PEPD: variants seen among roughly 807,000 people sequenced by gnomAD.
PEPD encodes the protein xaa-Pro dipeptidase.
A neutral mutation model predicts 60.7 loss-of-function variants in PEPD; 53 were observed. The observed-to-expected ratio is 0.87, with a 90% CI of 0.70 to 1.10. The LOEUF (loss-of-function observed/expected upper bound fraction) is 1.10, where lower values mean the gene tolerates loss of function less well. Ranked by LOEUF, PEPD falls within the 50% of genes least tolerant of loss-of-function variation. PEPD has a pLI of 0.00. For synonymous variants in PEPD, 267 were observed against 284.1 expected (o/e 0.94, Z 0.60); for missense variants, 711 against 711.9 (o/e 1.00, Z 0.01).
At chr19:33,472,734 A>G (rs1425199421) in intron 7 of PEPD, among the ~76,000 whole-genome samples, 1 of 152,216 alleles carries the variant, frequency 6.6e-6, no homozygotes, top group Non-Finnish European at 1.5e-5. Context: ...GCCTCTAAGC[A>G]TCAAAGTGGC....
chr19:33,391,240 C>G (rs1296669214), intron 13 of PEPD, 55 bp downstream of exon 13: 1 of 1,438,050 alleles, frequency 7.0e-7, no homozygotes, highest in Non-Finnish European at 9.7e-7. Context: ...CCCTGGGGGT[C>G]AGGCTCAGCG....
chr19:33,424,037 C>T (rs1179596920), intron 9 of PEPD, among the ~76,000 whole-genome samples: 3 of 152,224 alleles, frequency 2.0e-5, no homozygotes, highest in African/African-American at 7.2e-5. Flanking sequence ...CTTGGAGCAC[C>T]ATCTTGTTGA....
At chr19:33,431,516 T>G (rs887560303) in intron 9 of PEPD, among the ~76,000 whole-genome samples, 1 of 152,206 alleles carries the variant, frequency 6.6e-6, no homozygotes, top group East Asian at 1.9e-4. Flanking sequence ...GATGTTTCCT[T>G]CATTATCTCC....
chr19:33,432,418 G>T (rs565499019), intron 9 of PEPD, among the ~76,000 whole-genome samples: 1 of 152,188 alleles, frequency 6.6e-6, no homozygotes, highest in Admixed American at 6.5e-5. Flanking sequence ...CCCCACCCTG[G>T]GGACCACCCA....
rs768550084 is a variant in PEPD, at chr19:33,521,733, G to A, written c.17+11C>T. The A allele has an allele frequency of 4.4e-6, 7 of 1,580,170 alleles. No homozygotes were observed. Among genetic ancestry groups the A allele is most frequent in the Non-Finnish European group, 6.0e-6 (7 of 1,168,282 alleles). On this transcript the variant is annotated intron_variant, in intron 1 of 14. Transcript: ENST00000244137. ...GCCAGCGGGAAAGAGCGAGGGAGGC[G>A]CAGCACTCACCCGGTGGCCGCCGCC...
chr19:33,506,430 A>G (rs1027538835), intron 3 of PEPD, among the ~76,000 whole-genome samples: 1 of 134,008 alleles, frequency 7.5e-6, no homozygotes. Context: ...TACACACTAC[A>G]CACACCCACA....
chr19:33,448,148 C>T (rs942824130), intron 9 of PEPD, among the ~76,000 whole-genome samples: 2 of 152,200 alleles, frequency 1.3e-5, no homozygotes, highest in African/African-American at 2.4e-5. Flanking sequence ...CCGCAGGGAG[C>T]GTCTTTCGCA....
intron 12 of PEPD, among the ~76,000 whole-genome samples, chr19:33,398,684 GAGA>G (rs768355513): frequency 2.6e-5 from 4 of 152,254 alleles, no homozygotes; most frequent in African/African-American, 7.2e-5. Context: ...ATGAAGGAAG[GAGA>G]AGGAGTGGCG....
chr19:33,467,798 G>A (rs1376159010), intron 7 of PEPD, among the ~76,000 whole-genome samples: 1 of 152,110 alleles, frequency 6.6e-6, no homozygotes, highest in African/African-American at 2.4e-5. Flanking sequence ...TAAACCAAGG[G>A]TACATATTGC....
At position 33,464,016 on chromosome 19, in the gene PEPD, T is replaced by C; in HGVS notation, c.595A>G (p.Asn199Asp). Residue 199 changes from asparagine to aspartate, a missense_variant, in exon 8 of 15, where the codon AAT becomes GAT. Physicochemically the swap from Asn to Asp is conservative, Grantham distance 23 (BLOSUM62 1). Transcript: ENST00000244137. ...DMELEVLRYT[N>D]KISSEAHREV... ...CGGTGGGCCTCGCTGGAGATTTTAT[T>C]GGTATAGCGCAGAACCTCCAGCTCC... The C allele has an allele frequency of 6.2e-7, 1 of 1,613,092 alleles. No homozygotes were observed. Among genetic ancestry groups the C allele is most frequent in the Non-Finnish European group, 8.5e-7 (1 of 1,179,298 alleles).
intron 7 of PEPD, among the ~76,000 whole-genome samples, chr19:33,468,037 A>G (rs1210163463): frequency 6.6e-6 from 1 of 152,176 alleles, no homozygotes; most frequent in Admixed American, 6.5e-5. Context: ...TGCTAAGAGC[A>G]GGAGCCGGGG....
intron 7 of PEPD, among the ~76,000 whole-genome samples, chr19:33,465,495 A>G (rs1970005384): frequency 6.6e-6 from 1 of 152,072 alleles, no homozygotes; most frequent in Non-Finnish European, 1.5e-5. Flanking sequence ...GCCAAGACTC[A>G]GCTCCCTCGC....
intron 9 of PEPD, among the ~76,000 whole-genome samples, chr19:33,460,006 C>G (rs963318995): frequency 6.6e-6 from 1 of 152,136 alleles, no homozygotes; most frequent in Non-Finnish European, 1.5e-5. Flanking sequence ...AGTGAGTCAG[C>G]GATTCACACA....
At chr19:33,395,283 C>A (rs549038725) in intron 12 of PEPD, 1 of 152,380 alleles carries the variant, frequency 6.6e-6, no homozygotes, top group African/African-American at 2.4e-5. Flanking sequence ...CTGGTTATGA[C>A]CTCTGGGCCT....
chr19:33,471,296 AGGCGCCAGGCATAGAG>A (rs1318003376), intron 7 of PEPD, among the ~76,000 whole-genome samples: 2 of 152,188 alleles, frequency 1.3e-5, no homozygotes, highest in African/African-American at 4.8e-5. Flanking sequence ...AGTCTCACCC[AGGCGCCAGGCATAGAG>A]GGATGCACCC....
chr19:33,436,751 C>T (rs539552884), intron 9 of PEPD, among the ~76,000 whole-genome samples: 11 of 152,358 alleles, frequency 7.2e-5, no homozygotes, highest in South Asian at 2.1e-4. Context: ...CCCTGCCTTC[C>T]GGGAGGGCCA....
intron 9 of PEPD, among the ~76,000 whole-genome samples, chr19:33,446,552 C>A (rs1293755720): frequency 1.3e-5 from 2 of 152,254 alleles, no homozygotes; most frequent in Admixed American, 1.3e-4. Flanking sequence ...GCCTCTGCGA[C>A]CTCTCAGCAC....
Position 33,478,052 on chromosome 19 carries a change from A to G in PEPD, c.542T>C (p.Val181Ala). The G allele has an allele frequency of 1.2e-6, 2 of 1,610,546 alleles. No individual in the cohort carries two copies. Among genetic ancestry groups the G allele is most frequent in the African/African-American group, 1.3e-5 (1 of 74,918 alleles). The change falls in exon 7 of 15, where the codon GTT becomes GCT. Residue 181 changes from valine to alanine, a missense_variant. Transcript: ENST00000244137. ...VNNTILHPEI[V>A]ECRVFKTDME... ...GACCACAGGCCGTACTCACCACTCA[A>G]CGATCTCTGGGTGAAGAATGGTATT...
At chr19:33,519,724 C>G (rs1233969566) in intron 1 of PEPD, among the ~76,000 whole-genome samples, 3 of 152,210 alleles carry the variant, frequency 2.0e-5, no homozygotes, top group Non-Finnish European at 4.4e-5. Context: ...TTTTGCCTCC[C>G]TCACCCACCC....
Sources: allele counts gnomAD v4.1 joint callset (sites outside exome capture counted in the v4.1 genomes callset), GRCh38; gene constraint gnomAD v4.1.1; transcripts MANE v1.5; gene names NCBI Gene and HGNC (gene_info 2026-07-23, HGNC 2026-07-21).